Variants in KCNIP4 observed in about 807,000 individuals in gnomAD.
KCNIP4 encodes Kv channel-interacting protein 4.
A neutral mutation model predicts 34.0 loss-of-function variants in KCNIP4; 12 were observed. That is an observed-to-expected ratio of 0.35 (90% CI 0.23 to 0.57). KCNIP4 has a LOEUF of 0.57. Ranked by LOEUF, KCNIP4 falls within the 20% of genes least tolerant of loss-of-function variation. The pLI, the probability that KCNIP4 is intolerant of heterozygous loss-of-function variation, is 0.83. For missense variants in KCNIP4, 238 were observed against 311.7 expected (o/e 0.76, Z 1.78); for synonymous variants, 124 against 102.2 (o/e 1.21, Z -1.29).
At chr4:21,083,601 T>C (rs1052372219) in intron 1 of KCNIP4, among the ~76,000 whole-genome samples, 4 of 151,648 alleles carry the variant, frequency 2.6e-5, no homozygotes, top group African/African-American at 9.7e-5. Context: ...AGATTGGAGT[T>C]AGGCATCCAT....
chr4:20,807,356 A>G (rs931832126), intron 3 of KCNIP4, among the ~76,000 whole-genome samples: 3 of 152,188 alleles, frequency 2.0e-5, no homozygotes, highest in Non-Finnish European at 4.4e-5. Context: ...CTGTAATCAC[A>G]TGGCACTTTT....
intron 1 of KCNIP4, among the ~76,000 whole-genome samples, chr4:21,830,268 C>T (rs1722902391): frequency 6.6e-6 from 1 of 152,002 alleles, no homozygotes; most frequent in Admixed American, 6.6e-5. Flanking sequence ...ATAAAAATGG[C>T]TCAATTCATC....
At chr4:21,942,420 A>C (rs1173111471) in intron 1 of KCNIP4, among the ~76,000 whole-genome samples, 1 of 152,228 alleles carries the variant, frequency 6.6e-6, no homozygotes, top group Non-Finnish European at 1.5e-5. Context: ...TGTCATAGTA[A>C]CAACACCCAA....
intron 1 of KCNIP4, among the ~76,000 whole-genome samples, chr4:21,725,410 C>A (rs532370797): frequency 6.6e-6 from 1 of 152,162 alleles, no homozygotes; most frequent in South Asian, 2.1e-4. Flanking sequence ...GGCAAGGAAA[C>A]CCATTGGTTA....
At chr4:21,454,310 C>T (rs756427925) in intron 1 of KCNIP4, among the ~76,000 whole-genome samples, 1 of 152,046 alleles carries the variant, frequency 6.6e-6, no homozygotes, top group Non-Finnish European at 1.5e-5. Flanking sequence ...CTATTCCAGA[C>T]CTAGTAAATC....
chr4:21,177,208 T>C (rs963025204), intron 1 of KCNIP4, among the ~76,000 whole-genome samples: 1 of 152,132 alleles, frequency 6.6e-6, no homozygotes. Flanking sequence ...ATCTGGCCCG[T>C]GGAGAATACA....
intron 1 of KCNIP4, among the ~76,000 whole-genome samples, chr4:21,690,306 T>C (rs1751171895): frequency 6.6e-6 from 1 of 151,948 alleles, no homozygotes; most frequent in Admixed American, 6.6e-5. Context: ...GAAAATAAAC[T>C]TCATCCAAGA....
intron 1 of KCNIP4, among the ~76,000 whole-genome samples, chr4:21,862,916 G>A (rs1022590188): frequency 2.1e-4 from 32 of 150,358 alleles, no homozygotes; most frequent in African/African-American, 2.9e-4. Context: ...AGCCCAGATC[G>A]CGCCACTGCA....
At chr4:21,874,865 T>C (rs1726017816) in intron 1 of KCNIP4, among the ~76,000 whole-genome samples, 1 of 152,194 alleles carries the variant, frequency 6.6e-6, no homozygotes, top group Non-Finnish European at 1.5e-5. Flanking sequence ...CTTGATTGTA[T>C]TTCTCTGAAA....
chr4:21,069,663 A>G (rs1251226447), intron 1 of KCNIP4, among the ~76,000 whole-genome samples: 4 of 152,246 alleles, frequency 2.6e-5, no homozygotes, highest in Admixed American at 6.5e-5. Context: ...TCAGCTGACA[A>G]TGACCAAGCT....
intron 1 of KCNIP4, among the ~76,000 whole-genome samples, chr4:21,284,711 T>C (rs77064614): frequency 0.018 from 2,736 of 151,326 alleles, 92 homozygotes; most frequent in African/African-American, 0.064. Context: ...TACCTGTTCC[T>C]GTTACTGCGC....
rs538382492 is a variant in KCNIP4 at position 21,826,767 on chromosome 4, C to G, written c.61+121804G>C. Among the ~76,000 whole-genome samples the G allele has an allele frequency of 3.9e-5, 6 of 152,100 alleles. No homozygotes were observed. The East Asian group carries it at 1.2e-3, about 29-fold the overall frequency. On this transcript the variant is annotated intron_variant, in intron 1 of 8. Transcript: ENST00000382152. ...TACATAGCAAAATATATTTTATTCC[C>G]TCTATAAATTAACTGTATAAATATG...
chr4:21,648,244 T>A (rs1448218848), intron 1 of KCNIP4, among the ~76,000 whole-genome samples: 3 of 152,118 alleles, frequency 2.0e-5, no homozygotes, highest in Non-Finnish European at 4.4e-5. Flanking sequence ...GTAAACCATA[T>A]AAAAATATAC....
chr4:21,585,477 T>G (rs73252280), intron 1 of KCNIP4, among the ~76,000 whole-genome samples: 9,938 of 152,134 alleles, frequency 0.065, 471 homozygotes, highest in African/African-American at 0.13. Flanking sequence ...CAACTGAAAT[T>G]AAGTGAAAAC....
chr4:20,732,823 T>G (rs772145698), intron 6 of KCNIP4, 38 bp from the exon 7 acceptor site: 1 of 1,224,958 alleles, frequency 8.2e-7, no homozygotes, highest in East Asian at 2.3e-5. Context: ...GCTGCACACA[T>G]GTATGAAGAA....
chr4:21,400,766 T>G (rs1308504632), intron 1 of KCNIP4, among the ~76,000 whole-genome samples: 1 of 152,092 alleles, frequency 6.6e-6, no homozygotes, highest in African/African-American at 2.4e-5. Flanking sequence ...ATGTAGAATT[T>G]TAAAGCTGGA....
rs535764339 is a variant in KCNIP4, at chr4:21,354,149, C to T, written c.62-471440G>A. ...GCCCTACAAGACCTCCTGAAGGAAG[C>T]AATAAACAGGGAAAGGAACAACTGG... On this transcript the variant is annotated intron_variant, in intron 1 of 8. Transcript: ENST00000382152. Among the ~76,000 whole-genome samples, 916 of 152,174 alleles carry T rather than the reference C, an allele frequency of 6.0e-3. 5 individuals are homozygous for T. Among genetic ancestry groups the T allele is most frequent in the African/African-American group, 0.021 (858 of 41,498 alleles).
chr4:21,525,330 T>C, intron 1 of KCNIP4, among the ~76,000 whole-genome samples: 1 of 152,272 alleles, frequency 6.6e-6, no homozygotes, highest in African/African-American at 2.4e-5. Flanking sequence ...TAGTATTAGT[T>C]GGACAATTTG....
At chr4:20,876,349 A>G (rs1165240466) in intron 2 of KCNIP4, among the ~76,000 whole-genome samples, 3 of 152,138 alleles carry the variant, frequency 2.0e-5, no homozygotes, top group African/African-American at 4.8e-5. Flanking sequence ...TGAGTTACTC[A>G]GAGTTATTCA....
Sources: gnomAD v4.1 joint callset for allele counts (sites outside exome capture counted in the v4.1 genomes callset) on GRCh38, gnomAD v4.1.1 for gene constraint, MANE v1.5 for transcripts, NCBI Gene and HGNC (gene_info 2026-07-23, HGNC 2026-07-21) for gene names.